SMARCC1: variants seen among roughly 807,000 people sequenced by gnomAD.
The protein encoded by SMARCC1 is SWI/SNF related BAF chromatin remodeling complex subunit C1, also known as SWI/SNF complex subunit SMARCC1.
Under a neutral mutation model 147.4 loss-of-function variants are expected in SMARCC1, and 43 were observed. That is an observed-to-expected ratio of 0.29 (90% CI 0.23 to 0.38). The LOEUF (loss-of-function observed/expected upper bound fraction) is 0.38, where lower values mean the gene tolerates loss of function less well. Ranked by LOEUF, SMARCC1 falls within the 10% of genes least tolerant of loss-of-function variation. The pLI is 1.00. For synonymous variants in SMARCC1, 495 were observed against 484.4 expected (o/e 1.02, Z -0.29); for missense variants, 1,119 against 1,381.1 (o/e 0.81, Z 3.01).
At chr3:47,733,071 C>CG (rs953059137) in intron 5 of SMARCC1, among the ~76,000 whole-genome samples, 1 of 152,008 alleles carries the variant, frequency 6.6e-6, no homozygotes, top group African/African-American at 2.4e-5. Context: ...CACACCACTG[C>CG]GCTCCAGCTG....
At chr3:47,755,165 C>T (rs1364879729) in intron 2 of SMARCC1, among the ~76,000 whole-genome samples, 6 of 152,110 alleles carry the variant, frequency 3.9e-5, no homozygotes, top group South Asian at 2.1e-4. Context: ...GAGCCAAGAT[C>T]GCACCACTGC....
intron 6 of SMARCC1, among the ~76,000 whole-genome samples, chr3:47,721,377 T>G (rs1025142380): frequency 6.6e-6 from 1 of 152,152 alleles, no homozygotes; most frequent in Non-Finnish European, 1.5e-5. Flanking sequence ...CAAAGATAAG[T>G]GCAAATTATA....
intron 11 of SMARCC1, among the ~76,000 whole-genome samples, chr3:47,699,445 T>C (rs868744906): frequency 6.6e-6 from 1 of 152,092 alleles, no homozygotes; most frequent in South Asian, 2.1e-4. Flanking sequence ...CAACACACCA[T>C]CAGCTGAGTG....
intron 8 of SMARCC1, among the ~76,000 whole-genome samples, chr3:47,711,451 G>A (rs2034084143): frequency 6.6e-6 from 1 of 152,140 alleles, no homozygotes; most frequent in South Asian, 2.1e-4. Context: ...TTATCCAACA[G>A]TATTTCTCAA....
intron 10 of SMARCC1, among the ~76,000 whole-genome samples, chr3:47,705,589 CAGAAATGCCAACTAGGGTAG>C (rs752858247): frequency 7.5e-4 from 114 of 152,050 alleles, no homozygotes; most frequent in Non-Finnish European, 1.5e-3. Flanking sequence ...GTTCTGGGAA[CAGAAATGCCAACTAGGGTAG>C]AGAGGAAAGT....
intron 25 of SMARCC1, among the ~76,000 whole-genome samples, chr3:47,615,872 C>T (rs956525310): frequency 1.3e-5 from 2 of 152,056 alleles, no homozygotes; most frequent in South Asian, 2.1e-4. Context: ...TTAGTAGAGA[C>T]GGGGTTTCAC....
chr3:47,610,749 C>A (rs1034608733), intron 25 of SMARCC1: 2 of 205,924 alleles, frequency 9.7e-6, no homozygotes, highest in African/African-American at 4.5e-5. Flanking sequence ...TTCAAGTTCA[C>A]CCAACCTTCC....
intron 20 of SMARCC1, 100 bp from the exon 21 acceptor site, chr3:47,661,555 T>C: frequency 1.1e-6 from 1 of 911,044 alleles, no homozygotes; most frequent in Non-Finnish European, 1.7e-6. Flanking sequence ...ATTATTGTCT[T>C]AGGTGTAGCA....
At chr3:47,764,990 G>T (rs772684095) in intron 2 of SMARCC1, among the ~76,000 whole-genome samples, 10 of 152,146 alleles carry the variant, frequency 6.6e-5, no homozygotes, top group African/African-American at 2.4e-4. Context: ...GGTGGCTCAC[G>T]CCTGTAATCC....
intron 24 of SMARCC1, among the ~76,000 whole-genome samples, chr3:47,626,653 G>C (rs545597276): frequency 6.6e-6 from 1 of 152,240 alleles, no homozygotes; most frequent in African/African-American, 2.4e-5. Context: ...ACTTGTGGTA[G>C]ATTAAAGATA....
At chr3:47,672,226 T>G (rs1477887977) in intron 18 of SMARCC1, among the ~76,000 whole-genome samples, 10 of 148,694 alleles carry the variant, frequency 6.7e-5, no homozygotes, top group Non-Finnish European at 1.3e-4. Flanking sequence ...TTTTCTTTTC[T>G]TTTTTTGAGA....
chr3:47,767,195 A>AG (rs1376742002), intron 2 of SMARCC1, among the ~76,000 whole-genome samples: 1 of 148,528 alleles, frequency 6.7e-6, no homozygotes, highest in African/African-American at 2.5e-5. Context: ...AAAAGAAAAA[A>AG]AAAAAAAAAA....
At chr3:47,646,032 T>C (rs941952445) in intron 21 of SMARCC1, among the ~76,000 whole-genome samples, 10 of 152,092 alleles carry the variant, frequency 6.6e-5, no homozygotes, top group Admixed American at 2.0e-4. Flanking sequence ...AAGGATTTAA[T>C]GATAGGGCCA....
At chr3:47,614,148 TCCA>T (rs2032605000) in intron 25 of SMARCC1, among the ~76,000 whole-genome samples, 1 of 152,210 alleles carries the variant, frequency 6.6e-6, no homozygotes, top group South Asian at 2.1e-4. Flanking sequence ...AAACCCCAAA[TCCA>T]AAACAGACAT....
intron 11 of SMARCC1, among the ~76,000 whole-genome samples, chr3:47,694,231 T>C (rs1194222353): frequency 6.6e-6 from 1 of 152,228 alleles, no homozygotes; most frequent in Admixed American, 6.5e-5. Context: ...ATTATCTTTG[T>C]GGGTGCATGC....
At chr3:47,640,192 T>C (rs950921830) in intron 21 of SMARCC1, among the ~76,000 whole-genome samples, 1 of 151,992 alleles carries the variant, frequency 6.6e-6, no homozygotes, top group Non-Finnish European at 1.5e-5. Flanking sequence ...GAGCTCCATG[T>C]CCTTTATGAG....
chr3:47,735,677 C>A (rs143089872), intron 5 of SMARCC1, among the ~76,000 whole-genome samples: 57 of 152,180 alleles, frequency 3.7e-4, no homozygotes, highest in African/African-American at 1.4e-3. Flanking sequence ...TCACTTGAAC[C>A]TCGGAGGCAG....
intron 8 of SMARCC1, 101 bp downstream of exon 8, chr3:47,714,314 G>A: frequency 1.4e-6 from 1 of 707,650 alleles, no homozygotes; most frequent in Non-Finnish European, 2.5e-6. Context: ...AGTAAGCCAA[G>A]ATCGCACCAC....
At chr3:47,650,192 C>T (rs369974481) in intron 21 of SMARCC1, among the ~76,000 whole-genome samples, 1 of 151,508 alleles carries the variant, frequency 6.6e-6, no homozygotes, top group Non-Finnish European at 1.5e-5. Flanking sequence ...AGGAGAACGG[C>T]GAGAACCCCA....
Sources: gnomAD v4.1 joint callset for allele counts (sites outside exome capture counted in the v4.1 genomes callset) on GRCh38, gnomAD v4.1.1 for gene constraint, MANE v1.5 for transcripts, NCBI Gene and HGNC (gene_info 2026-07-23, HGNC 2026-07-21) for gene names.